SRBD1: variants seen among roughly 807,000 people sequenced by gnomAD.
SRBD1 encodes S1 RNA binding domain 1.
In SRBD1, 88 loss-of-function variants were observed where a neutral mutation model predicts 115.3. The observed-to-expected ratio is 0.76, with a 90% CI of 0.64 to 0.91. SRBD1 has a LOEUF of 0.91. Ranked by LOEUF, SRBD1 falls within the 40% of genes least tolerant of loss-of-function variation. The pLI is 0.00. For synonymous variants in SRBD1, 509 were observed against 407.7 expected (o/e 1.25, Z -2.99); for missense variants, 1,385 against 1,177.4 (o/e 1.18, Z -2.58).
intron 16 of SRBD1, chr2:45,447,714 C>G (rs1317495872): frequency 1.3e-5 from 2 of 152,152 alleles, no homozygotes; most frequent in African/African-American, 4.8e-5. Flanking sequence ...AATTATTTAA[C>G]AGACAGCTTT....
intron 14 of SRBD1, among the ~76,000 whole-genome samples, chr2:45,543,461 G>C (rs1430970876): frequency 6.6e-6 from 1 of 152,214 alleles, no homozygotes; most frequent in Non-Finnish European, 1.5e-5. Flanking sequence ...AAGAGGAAAT[G>C]TGCTGGTAGA....
chr2:45,486,512 G>A (rs1291699702), intron 15 of SRBD1, among the ~76,000 whole-genome samples: 2 of 152,034 alleles, frequency 1.3e-5, no homozygotes, highest in African/African-American at 4.8e-5. Flanking sequence ...TGGATCATGA[G>A]GTCAGGAGAT....
At position 45,546,144 on chromosome 2, in the gene SRBD1, T is replaced by C. The variant is rs993725337; in HGVS notation, c.1874+588A>G. Reference sequence around the variant, plus strand: ...ATCCAAAGAGGAAGTAGGGAAACAATGGTGAAAGAAAGCAGAACTACTACA... The same window carrying C: ...ATCCAAAGAGGAAGTAGGGAAACAACGGTGAAAGAAAGCAGAACTACTACA... On this transcript the variant is annotated intron_variant, in intron 14 of 20. Transcript: ENST00000263736. 2.6e-5 allele frequency: 26 copies of C among 984,588 alleles called. No individual in the cohort carries two copies. The African/African-American group carries it at 4.4e-4, about 17-fold the overall frequency. 61.0% of individuals were successfully genotyped at this position (984,588 alleles called of 1,614,324 possible).
intron 1 of SRBD1, 39 bp from the exon 2 acceptor site, chr2:45,605,480 A>G (rs1404991407): frequency 6.4e-7 from 1 of 1,567,082 alleles, no homozygotes. Flanking sequence ...ACACTTGAAT[A>G]TTCTTATCAC....
At chr2:45,583,561 A>T (rs763698553) in intron 5 of SRBD1, among the ~76,000 whole-genome samples, 15 of 152,190 alleles carry the variant, frequency 9.9e-5, no homozygotes, top group Non-Finnish European at 2.1e-4. Context: ...TAATTGAAAC[A>T]TTTCATGAAA....
At position 45,553,624 on chromosome 2, in the gene SRBD1, T is replaced by C; in HGVS notation, c.1516A>G (p.Arg506Gly). ...AATTAAACAAGACAAGATATATACC[T>C]GAATTCTCTACAGAGAAGAGGATAA... is the stretch of plus-strand genomic sequence containing the variant. ...LIYPLLCREF[R>G]AKLTSDAEKE... The change falls in exon 11 of 21, where the codon AGA becomes GGA. Residue 506 changes from arginine (R) to glycine (G), a missense_variant and splice_region_variant. Coordinates refer to ENST00000263736, the MANE Select transcript of SRBD1 (RefSeq NM_018079.5). 1 of 1,573,408 alleles carries C rather than the reference T, an allele frequency of 6.4e-7. No homozygotes were observed. The highest frequency in any genetic ancestry group is 1.2e-5 in the South Asian group (1 of 84,690).
At chr2:45,404,966 T>G (rs1667387594) in intron 19 of SRBD1, among the ~76,000 whole-genome samples, 1 of 152,162 alleles carries the variant, frequency 6.6e-6, no homozygotes, top group Admixed American at 6.6e-5. Context: ...TCTGCACAGC[T>G]AACTCTTTCC....
rs1670176220 is a variant in SRBD1, at chr2:45,488,136, T to C, written c.1966+104A>G. On this transcript the variant is annotated intron_variant, in intron 15 of 20. Transcript: ENST00000263736. ...AATATGCCAATTCTTATGCATGTAG[T>C]ATAACTTTTAAATTTTCTTTGATAT... The C allele has an allele frequency of 5.5e-6, 5 of 912,240 alleles. No individual in the cohort carries two copies. In the Admixed American group the frequency reaches 6.4e-5, roughly 12 times the overall value. 56.5% of individuals were successfully genotyped at this position (912,240 alleles called of 1,614,324 possible). A position where few individuals can be genotyped will look rare whatever the true frequency, so the allele number is the denominator to read the frequency against.
intron 16 of SRBD1, among the ~76,000 whole-genome samples, chr2:45,474,131 C>A (rs1369568144): frequency 6.6e-6 from 1 of 152,192 alleles, no homozygotes; most frequent in Admixed American, 6.5e-5. Flanking sequence ...CATTTTAATA[C>A]ATATTTCTTT....
intron 18 of SRBD1, among the ~76,000 whole-genome samples, chr2:45,417,451 T>C (rs958489044): frequency 2.0e-5 from 3 of 152,204 alleles, no homozygotes; most frequent in African/African-American, 7.2e-5. Context: ...TATTCCTACA[T>C]CAAAAGCAAA....
intron 4 of SRBD1, among the ~76,000 whole-genome samples, chr2:45,588,225 T>G (rs973541539): frequency 1.3e-5 from 2 of 152,228 alleles, no homozygotes; most frequent in Non-Finnish European, 2.9e-5. Flanking sequence ...TCCCGTTGCA[T>G]TTGGAATCCA....
chr2:45,404,167 C>T (rs967385919), intron 19 of SRBD1, among the ~76,000 whole-genome samples: 2 of 152,048 alleles, frequency 1.3e-5, no homozygotes, highest in Admixed American at 1.3e-4. Flanking sequence ...GATTTCAAGG[C>T]TCTGAACTGA....
rs191128099 is a variant in SRBD1 at position 45,593,315 on chromosome 2, A to G, written c.648+6134T>C. Among the ~76,000 whole-genome samples, 419 of 152,280 alleles carry G rather than the reference A, an allele frequency of 2.8e-3. 2 individuals are homozygous for G. The highest frequency in any genetic ancestry group is 9.6e-3 in the African/African-American group (397 of 41,554). ...AACTGCCCAAAATTCCACAAGCTAT[A>G]TAACCTCTTCAAAAATTCAATTTAT... On this transcript the variant is annotated intron_variant, in intron 4 of 20. Coordinates refer to ENST00000263736, the MANE Select transcript of SRBD1 (RefSeq NM_018079.5).
intron 10 of SRBD1, among the ~76,000 whole-genome samples, chr2:45,554,595 T>C (rs556429904): frequency 1.3e-5 from 2 of 152,244 alleles, no homozygotes; most frequent in Non-Finnish European, 1.5e-5. Context: ...ACAGAACCAA[T>C]TGTTAATGAA....
intron 14 of SRBD1, among the ~76,000 whole-genome samples, chr2:45,489,122 T>A (rs891162321): frequency 6.6e-6 from 1 of 152,198 alleles, no homozygotes; most frequent in Non-Finnish European, 1.5e-5. Flanking sequence ...GTACAGCTTA[T>A]GAAAAATTTT....
At chr2:45,499,090 C>T (rs973896603) in intron 14 of SRBD1, among the ~76,000 whole-genome samples, 4 of 152,088 alleles carry the variant, frequency 2.6e-5, no homozygotes, top group African/African-American at 9.7e-5. Flanking sequence ...TCCACAATGG[C>T]TATACTACCT....
chr2:45,555,784 G>A (rs1672456514), intron 10 of SRBD1, among the ~76,000 whole-genome samples: 4 of 152,072 alleles, frequency 2.6e-5, no homozygotes, highest in South Asian at 2.1e-4. Flanking sequence ...GAGCTACCTC[G>A]CCAGGCCCAT....
At chr2:45,477,163 T>G (rs184803201) in intron 15 of SRBD1, 88 bp from the exon 16 acceptor site, 1 of 1,042,774 alleles carries the variant, frequency 9.6e-7, no homozygotes, top group East Asian at 2.5e-5. Context: ...ATAATGTAAG[T>G]ACTTAATCCT....
At chr2:45,604,358 G>A (rs959135366) in intron 2 of SRBD1, among the ~76,000 whole-genome samples, 3 of 142,348 alleles carry the variant, frequency 2.1e-5, no homozygotes, top group African/African-American at 7.9e-5. Context: ...GACAAGATCA[G>A]CTACTAACAG....
Sources: gnomAD v4.1 joint callset for allele counts (sites outside exome capture counted in the v4.1 genomes callset) on GRCh38, gnomAD v4.1.1 for gene constraint, MANE v1.5 for transcripts, NCBI Gene and HGNC (gene_info 2026-07-23, HGNC 2026-07-21) for gene names.